EP400: variants seen among roughly 807,000 people sequenced by gnomAD.
The protein encoded by EP400 is E1A binding protein p400.
A neutral mutation model predicts 354.1 loss-of-function variants in EP400; 105 were observed. The ratio of observed to expected loss-of-function variants is 0.30; its 90% CI spans 0.25 to 0.35. The LOEUF is 0.35. Among genes scored for constraint, EP400 ranks in the 10% least tolerant of loss-of-function variants. The probability of loss-of-function intolerance (pLI) is 1.00; values close to 1 mark genes in which losing one functional copy is unlikely to be tolerated. For missense variants in EP400, 3,280 were observed against 4,121.0 expected (o/e 0.80, Z 5.59); for synonymous variants, 1,646 against 1,716.9 (o/e 0.96, Z 1.02).
At chr12:132,053,620 G>A in intron 43 of EP400, 23 bp downstream of exon 43, 6 of 1,499,670 alleles carry the variant, frequency 4.0e-6, no homozygotes, top group Non-Finnish European at 5.3e-6. Flanking sequence ...CTCCTCCCGG[G>A]CTTCCCCTCT....
chr12:131,994,587 G>T lies in EP400; in HGVS notation c.2738-280G>T, dbSNP rs1893144115. 6.6e-6 allele frequency among the ~76,000 whole-genome samples: 1 copy of T among 152,134 alleles called. No individual in the cohort carries two copies. The highest frequency in any genetic ancestry group is 2.4e-5 in the African/African-American group (1 of 41,436). ...TGTGGGCTTTCCACAGTGGGGCTCT[G>T]CAGGAAGGTAGGAGGGTTGACAGCA... On this transcript the variant is annotated intron_variant, in intron 11 of 52. Transcript: ENST00000389561. This position sits in a 1 kb window ranked among gnomAD's most constrained non-coding sequence, Gnocchi z 4.6.
intron 32 of EP400, among the ~76,000 whole-genome samples, chr12:132,039,015 T>TA (rs1464925821): frequency 2.6e-5 from 4 of 152,114 alleles, no homozygotes; most frequent in Admixed American, 1.3e-4. Context: ...GTGAAAGTGT[T>TA]AAAGACCAGA....
In EP400 at chr12:131,990,591, C is replaced by T; in HGVS notation, c.2551-45C>T. ...TTTTGTATGCAGAACGTCTGTAATT[C>T]CCATCCTTAGTAATGTGCTTATTCA... On this transcript the variant is annotated intron_variant, in intron 8 of 52. Coordinates refer to ENST00000389561, the MANE Select transcript of EP400 (RefSeq NM_015409.5). The surrounding 1 kb of genome is among the most constrained non-coding windows in gnomAD (Gnocchi z 4.2). 1 of 1,416,896 alleles carries T rather than the reference C, an allele frequency of 7.1e-7. No individual in the cohort carries two copies. The highest frequency in any genetic ancestry group is 9.8e-7 in the Non-Finnish European group (1 of 1,015,704). 87.8% of individuals were successfully genotyped at this position (1,416,896 alleles called of 1,614,324 possible). A position where few individuals can be genotyped will look rare whatever the true frequency, so the allele number is the denominator to read the frequency against.
intron 2 of EP400, among the ~76,000 whole-genome samples, chr12:131,969,883 T>TA (rs1192121656): frequency 6.6e-6 from 1 of 152,052 alleles, no homozygotes; most frequent in Non-Finnish European, 1.5e-5. Flanking sequence ...AACAGTGTAC[T>TA]AAAAAACACA....
At chr12:132,021,475 C>T (rs1009590329) in intron 23 of EP400, among the ~76,000 whole-genome samples, 154 bp downstream of exon 23, 2 of 152,248 alleles carry the variant, frequency 1.3e-5, no homozygotes, top group Non-Finnish European at 2.9e-5. Context: ...CAGCTGCCTC[C>T]GGCATGAGTC....
In EP400 at chr12:131,987,691, T is replaced by C; in HGVS notation, c.2224-14T>C. 1 of 1,577,552 alleles carries C rather than the reference T, an allele frequency of 6.3e-7. No individual in the cohort carries two copies. The highest frequency in any genetic ancestry group is 8.6e-7 in the Non-Finnish European group (1 of 1,160,076). Reference sequence around the variant, plus strand: ...CACATGCCGACCCCACCATCCCCCATGTATCATCTACAGGAGAACCAGGTG... The same window carrying C: ...CACATGCCGACCCCACCATCCCCCACGTATCATCTACAGGAGAACCAGGTG... On this transcript the variant is annotated splice_polypyrimidine_tract_variant and intron_variant, in intron 6 of 52. Transcript: ENST00000389561.
chr12:131,986,654 A>G lies in EP400; in HGVS notation c.2070A>G (p.Arg690=), dbSNP rs527346376. 6.2e-7 allele frequency: 1 copy of G among 1,613,760 alleles called. No homozygotes were observed. Among genetic ancestry groups the G allele is most frequent in the East Asian group, 2.2e-5 (1 of 44,852 alleles). ...CTGCTCGATCCTCTCCAGTAAATAG[A>G]CCTTCCTCAGCCACCAATAAGGCAC... ...PSPARSSPVN[R]PSSATNKALS... Residue 690 remains arginine, a synonymous_variant, in exon 6 of 53, where the codon AGA becomes AGG. Coordinates refer to ENST00000389561, the MANE Select transcript of EP400 (RefSeq NM_015409.5).
rs1891853544 is a variant in EP400 at position 131,960,754 on chromosome 12, A to G, written c.135A>G (p.Ser45=). ...CCCCCGCAGCTCCCTTCGCTCCCTC[A>G]GCAAGCCCGTCGGCACCCCAGTCTC... ...PPSPAAPFAP[S]ASPSAPQSPS... Residue 45 remains serine, a synonymous_variant, in exon 2 of 53, where the codon TCA becomes TCG. Coordinates refer to ENST00000389561, the MANE Select transcript of EP400 (RefSeq NM_015409.5). 1.8e-6 allele frequency: 2 copies of G among 1,111,812 alleles called. No individual in the cohort carries two copies. The allele number at this position is 1,111,812 out of a possible 1,614,324, so 68.9% of individuals were successfully genotyped here.
intron 48 of EP400, 139 bp downstream of exon 48, chr12:132,065,025 C>T: frequency 7.0e-7 from 1 of 1,424,270 alleles, no homozygotes; most frequent in Non-Finnish European, 9.2e-7. Context: ...ACTTAGTACC[C>T]CTTGGACAGA....
At chr12:132,005,781 T>C (rs1374360511) in intron 13 of EP400, among the ~76,000 whole-genome samples, 4 of 151,848 alleles carry the variant, frequency 2.6e-5, no homozygotes, top group African/African-American at 9.7e-5. Flanking sequence ...AGACGGGAGA[T>C]CCCTAAACCC....
At chr12:132,045,034 TGCCTGTCTGCTGTC>T in intron 37 of EP400, 81 bp downstream of exon 37, 1 of 1,333,458 alleles carries the variant, frequency 7.5e-7, no homozygotes. Context: ...TTCTGCTGTC[TGCCTGTCTGCTGTC>T]TGCCTGTCTG....
Position 131,961,602 on chromosome 12 carries a change from C to T in EP400, c.983C>T (p.Pro328Leu), listed in dbSNP as rs1343529301. The change falls in exon 2 of 53, where the codon CCC (proline) becomes CTC (leucine). Residue 328 changes from proline to leucine, a missense_variant. Coordinates refer to ENST00000389561, the MANE Select transcript of EP400 (RefSeq NM_015409.5). ...PPTSPSRTAV[P>L]PGLSSLPLTS... ...ACCAGCCCTTCCAGGACTGCCGTGC[C>T]CCCAGGCCTTTCCAGCCTCCCACTC... 4.5e-6 allele frequency: 7 copies of T among 1,570,324 alleles called. No homozygotes were observed. The highest frequency in any genetic ancestry group is 1.9e-5 in the Admixed American group (1 of 53,706).
chr12:132,051,803 A>G (rs141846724), intron 41 of EP400, among the ~76,000 whole-genome samples: 1 of 151,520 alleles, frequency 6.6e-6, no homozygotes, highest in East Asian at 1.9e-4. Flanking sequence ...TTTTCTCTAA[A>G]CTCCCCTGGG....
intron 12 of EP400, among the ~76,000 whole-genome samples, chr12:131,995,363 G>A (rs904479501): frequency 1.3e-5 from 2 of 151,126 alleles, no homozygotes; most frequent in Admixed American, 6.6e-5. Flanking sequence ...TCATACCAAC[G>A]AATCCCACCA....
rs773795968 is a variant in EP400, at chr12:132,006,646, G to A, written c.3127-54G>A. ...CTGTTGATTTCAGTTTTGAGAAAAA[G>A]TTTGGGTGATTATTTTGACGAGCTG... is the stretch of plus-strand genomic sequence containing the variant. On this transcript the variant is annotated intron_variant, in intron 14 of 52. Coordinates refer to ENST00000389561, the MANE Select transcript of EP400 (RefSeq NM_015409.5). 8 of 1,517,522 alleles carry A rather than the reference G, an allele frequency of 5.3e-6. No homozygotes were observed. In the Admixed American group the frequency reaches 6.9e-5, roughly 13 times the overall value. The allele number at this position is 1,517,522 out of a possible 1,614,324, so 94.0% of individuals were successfully genotyped here.
In EP400 at chr12:132,029,722, G is replaced by A. The variant is rs200484803; in HGVS notation, c.5403G>A (p.Pro1801=). 142 of 1,612,864 alleles carry A rather than the reference G, an allele frequency of 8.8e-5. No individual in the cohort carries two copies. The highest frequency in any genetic ancestry group is 1.1e-4 in the Non-Finnish European group (131 of 1,180,012). ...TCAGGGTGGCCTTTGTGATTCCTCC[G>A]GTGGTGGCAGCACCCCCGTCCCTAC... ...VIDRVAFVIP[P]VVAAPPSLRV... Residue 1801 remains proline, a synonymous_variant, in exon 28 of 53, where the codon CCG becomes CCA. Transcript: ENST00000389561. This position sits in a 1 kb window ranked among gnomAD's most constrained non-coding sequence, Gnocchi z 4.7.
chr12:132,067,633 C>A lies in EP400; in HGVS notation c.8874+147C>A. The A allele has an allele frequency of 8.6e-7, 1 of 1,158,876 alleles. No homozygotes were observed. Among genetic ancestry groups the A allele is most frequent in the Non-Finnish European group, 1.2e-6 (1 of 834,266 alleles). 71.8% of individuals were successfully genotyped at this position (1,158,876 alleles called of 1,614,324 possible). A position where few individuals can be genotyped will look rare whatever the true frequency, so the allele number is the denominator to read the frequency against. ...CAAGGGCTGGAGGTGCTAGTGTGGT[C>A]ATCCCTGTTGGTTTTTCCTTCCTTT... On this transcript the variant is annotated intron_variant, in intron 50 of 52. Coordinates refer to ENST00000389561, the MANE Select transcript of EP400 (RefSeq NM_015409.5). This position sits in a 1 kb window ranked among gnomAD's most constrained non-coding sequence, Gnocchi z 5.3.
intron 1 of EP400, among the ~76,000 whole-genome samples, chr12:131,953,539 C>G (rs1222124183): frequency 6.6e-6 from 1 of 152,216 alleles, no homozygotes; most frequent in Non-Finnish European, 1.5e-5. Flanking sequence ...CCTGACAGGT[C>G]AGTTCTCTGT....
At chr12:131,973,642 C>CA (rs1180862197) in intron 2 of EP400, among the ~76,000 whole-genome samples, 2 of 151,498 alleles carry the variant, frequency 1.3e-5, no homozygotes, top group Non-Finnish European at 2.9e-5. Context: ...GACTCTGTCT[C>CA]AAAAAAAATA....
Sources: allele counts gnomAD v4.1 joint callset (sites outside exome capture counted in the v4.1 genomes callset), GRCh38; gene constraint gnomAD v4.1.1; non-coding constraint Gnocchi (gnomAD v3.1); transcripts MANE v1.5; gene names NCBI Gene and HGNC (gene_info 2026-07-23, HGNC 2026-07-21).